The following SQOR variants were observed in gnomAD, a reference collection of about 807,000 sequenced individuals.
The protein encoded by SQOR is sulfide:quinone oxidoreductase, mitochondrial.
In SQOR, 39 loss-of-function variants were observed where a neutral mutation model predicts 48.6. The observed-to-expected ratio is 0.80, with a 90% CI of 0.62 to 1.05. SQOR has a LOEUF of 1.05. SQOR is among the 50% of genes least tolerant of loss of function. SQOR has a pLI of 0.00. For synonymous variants in SQOR, 220 were observed against 206.2 expected, an observed-to-expected ratio of 1.07 and a Z score of -0.57; for missense variants, 561 against 559.9, an observed-to-expected ratio of 1.00 and a Z score of -0.02.
chr15:45,632,582 G>A (rs1042049836), upstream of SQOR, among the ~76,000 whole-genome samples: 1 of 152,006 alleles, frequency 6.6e-6, no homozygotes, highest in Non-Finnish European at 1.5e-5. Context: ...CACCCAGCAG[G>A]CAGCACATCT....
At chr15:45,664,747 C>T (rs191744563) in intron 3 of SQOR, among the ~76,000 whole-genome samples, 1 of 152,176 alleles carries the variant, frequency 6.6e-6, no homozygotes, top group East Asian at 1.9e-4. Context: ...CAGGCTTCCC[C>T]CATCCTGAAA....
At chr15:45,664,001 T>C (rs1009069397) in intron 3 of SQOR, among the ~76,000 whole-genome samples, 1 of 152,164 alleles carries the variant, frequency 6.6e-6, no homozygotes, top group African/African-American at 2.4e-5. Flanking sequence ...AACATAGACA[T>C]GATAAGTAAA....
chr15:45,668,626 G>A (rs545983649), intron 3 of SQOR, among the ~76,000 whole-genome samples: 66 of 152,280 alleles, frequency 4.3e-4, no homozygotes, highest in African/African-American at 1.3e-3. Flanking sequence ...TTGACTGCAC[G>A]TTACTTCCCT....
At position 45,636,440 on chromosome 15, in the gene SQOR, T is replaced by C. The variant is rs193117861; in HGVS notation, c.-18+1332T>C. Reference sequence around the variant, plus strand: ...TTTTTTTTGAGACGGAGTCTCACTCTGTCACCAGGCTGGAGTGCAGTGGCG... The same window carrying C: ...TTTTTTTTGAGACGGAGTCTCACTCCGTCACCAGGCTGGAGTGCAGTGGCG... On this transcript the variant is annotated intron_variant, in intron 1 of 9. Coordinates refer to ENST00000260324, the MANE Select transcript of SQOR (RefSeq NM_021199.4). 5.8e-4 allele frequency among the ~76,000 whole-genome samples: 87 copies of C among 150,054 alleles called. No individual in the cohort carries two copies. In the East Asian group the frequency reaches 0.017, roughly 29 times the overall value.
upstream of SQOR, among the ~76,000 whole-genome samples, chr15:45,633,750 C>T (rs888766861): frequency 2.7e-5 from 4 of 150,386 alleles, no homozygotes; most frequent in African/African-American, 9.8e-5. Context: ...AGCAATGCTG[C>T]AGATGGAATT....
intron 9 of SQOR, 113 bp downstream of exon 9, chr15:45,689,330 C>T (rs754656372): frequency 4.8e-5 from 49 of 1,026,934 alleles, no homozygotes; most frequent in Non-Finnish European, 6.6e-5. Flanking sequence ...GTTCTGTCTT[C>T]CATGCTCTAG....
upstream of SQOR, among the ~76,000 whole-genome samples, chr15:45,632,248 C>T (rs1894910324): frequency 7.9e-6 from 1 of 126,810 alleles, no homozygotes. Context: ...TTGATGGAGT[C>T]TCGCTCTGTT....
intron 3 of SQOR, among the ~76,000 whole-genome samples, chr15:45,667,921 C>CTTTA (rs371643495): frequency 2.2e-5 from 3 of 135,656 alleles, no homozygotes; most frequent in African/African-American, 8.1e-5. Context: ...CATCATCTTT[C>CTTTA]TTTATTTCTT....
chr15:45,676,055 A>C, intron 5 of SQOR, 46 bp from the exon 6 acceptor site: 1 of 1,507,032 alleles, frequency 6.6e-7, no homozygotes, highest in Non-Finnish European at 9.0e-7. Context: ...AAAAAAAGGC[A>C]GCTGCAGTCA....
In SQOR at chr15:45,646,957, A is replaced by G. The variant is rs746663480; in HGVS notation, c.-18+11849A>G. ...TACCTTGCCCTTCTCTGCCAAAAAA[A>G]CTTAATTTCTTTCTTTTCAGTTTAT... On this transcript the variant is annotated intron_variant, in intron 1 of 9. Coordinates refer to ENST00000260324, the MANE Select transcript of SQOR (RefSeq NM_021199.4). Among the ~76,000 whole-genome samples, 3 of 152,364 alleles carry G rather than the reference A, an allele frequency of 2.0e-5. No homozygotes were observed. In the South Asian group the frequency reaches 6.2e-4, roughly 32 times the overall value.
rs79654807 is a variant in SQOR, at chr15:45,661,799, C to T, written c.235-156C>T. On this transcript the variant is annotated intron_variant, in intron 2 of 9. Transcript: ENST00000260324. ...CTTCAGAGCTTACCATAATAGGAGA[C>T]GCCTAATAGACGGAGCTAACTTTGT... 6.7e-4 allele frequency among the ~76,000 whole-genome samples: 102 copies of T among 152,202 alleles called. 1 individual carries two copies. The East Asian group carries it at 0.016, about 24-fold the overall frequency.
intron 3 of SQOR, among the ~76,000 whole-genome samples, chr15:45,667,941 CTTTTTTTTT>C (rs1204451548): frequency 9.7e-6 from 1 of 103,278 alleles, no homozygotes; most frequent in Admixed American, 1.1e-4. Flanking sequence ...TTCTTTCTTT[CTTTTTTTTT>C]TTTTTTTTTT....
rs540145188 is a variant in SQOR at position 45,655,840 on chromosome 15, T to C, written c.-17-3067T>C. ...CTGGGACTACAGGTGTACACCACCA[T>C]GCCCAGCTAATTTTTTTTTGTATTT... On this transcript the variant is annotated intron_variant, in intron 1 of 9. Coordinates refer to ENST00000260324, the MANE Select transcript of SQOR (RefSeq NM_021199.4). Among the ~76,000 whole-genome samples, 16 of 152,180 alleles carry C rather than the reference T, an allele frequency of 1.1e-4. No individual in the cohort carries two copies. In the East Asian group the frequency reaches 1.9e-3, roughly 18 times the overall value.
intron 1 of SQOR, among the ~76,000 whole-genome samples, chr15:45,647,438 T>G (rs113686771): frequency 6.6e-5 from 10 of 150,718 alleles, no homozygotes; most frequent in African/African-American, 2.2e-4. Context: ...GTGATTCTCC[T>G]GCCTCAGCCT....
intron 1 of SQOR, among the ~76,000 whole-genome samples, chr15:45,643,175 G>A (rs945774200): frequency 6.6e-6 from 1 of 152,160 alleles, no homozygotes; most frequent in African/African-American, 2.4e-5. Context: ...TACAGTGGGC[G>A]CTCAATGAAT....
At chr15:45,669,665 G>A (rs921679120) in intron 3 of SQOR, among the ~76,000 whole-genome samples, 3 of 152,276 alleles carry the variant, frequency 2.0e-5, no homozygotes, top group South Asian at 2.1e-4. Flanking sequence ...GGCATAGACG[G>A]CAGAGGGCAT....
At chr15:45,645,806 T>G (rs1895194030) in intron 1 of SQOR, 1 of 152,240 alleles carries the variant, frequency 6.6e-6, no homozygotes, top group African/African-American at 2.4e-5. Flanking sequence ...ATGATGATGT[T>G]TGCTTTGGTT....
Position 45,669,956 on chromosome 15 carries a change from T to C in SQOR, c.434T>C (p.Leu145Pro). Residue 145 changes from leucine (L) to proline (P), a missense_variant, in exon 4 of 10, where the codon CTC becomes CCC. By Grantham distance (98) the Leu-to-Pro change is moderately conservative. Transcript: ENST00000260324. ...KISYRYLIIALGIQLDYEKIK... is the reference protein window; with the variant it reads ...KISYRYLIIAPGIQLDYEKIK... ...TCCTACCGATATCTTATTATTGCTCTCGGAATCCAGCTGGACTATGAGAAG... is the reference window on the plus strand; with the variant it reads ...TCCTACCGATATCTTATTATTGCTCCCGGAATCCAGCTGGACTATGAGAAG... 1 of 1,614,164 alleles carries C rather than the reference T, an allele frequency of 6.2e-7. No homozygotes were observed. The highest frequency in any genetic ancestry group is 1.1e-5 in the South Asian group (1 of 91,082).
intron 7 of SQOR, among the ~76,000 whole-genome samples, chr15:45,683,596 C>A (rs1890162890): frequency 6.6e-6 from 1 of 152,090 alleles, no homozygotes; most frequent in Non-Finnish European, 1.5e-5. Context: ...GAATTAGACA[C>A]CTGTGGAACA....
Sources: allele counts gnomAD v4.1 joint callset (sites outside exome capture counted in the v4.1 genomes callset), GRCh38; gene constraint gnomAD v4.1.1; transcripts MANE v1.5; gene names NCBI Gene and HGNC (gene_info 2026-07-23, HGNC 2026-07-21).